CACNA1C: variants seen among roughly 807,000 people sequenced by gnomAD.
CACNA1C encodes calcium voltage-gated channel subunit alpha1 C.
Under a neutral mutation model 229.0 loss-of-function variants are expected in CACNA1C, and 30 were observed. That is an observed-to-expected ratio of 0.13 (90% CI 0.10 to 0.18). CACNA1C has a LOEUF of 0.18. Ranked by LOEUF, CACNA1C falls within the 10% of genes least tolerant of loss-of-function variation. The pLI, the probability that CACNA1C is intolerant of heterozygous loss-of-function variation, is 1.00. For synonymous variants in CACNA1C, 1,114 were observed against 1,132.5 expected (o/e 0.98, Z 0.33); for missense variants, 1,658 against 2,845.0 (o/e 0.58, Z 9.49).
intron 30 of CACNA1C, among the ~76,000 whole-genome samples, chr12:2,641,029 C>G (rs536774907): frequency 6.6e-6 from 1 of 152,322 alleles, no homozygotes; most frequent in Admixed American, 6.5e-5. Context: ...CTCCTGCCCC[C>G]TGCCATGGCA....
intron 2 of CACNA1C, among the ~76,000 whole-genome samples, chr12:2,116,140 T>C (rs1176116928): frequency 6.6e-6 from 1 of 152,188 alleles, no homozygotes; most frequent in African/African-American, 2.4e-5. Flanking sequence ...GACCACTCAG[T>C]TCCACCTAGG....
At chr12:2,092,318 A>G (rs929962786) in intron 1 of CACNA1C, among the ~76,000 whole-genome samples, 1 of 152,208 alleles carries the variant, frequency 6.6e-6, no homozygotes. Context: ...GTGATTTCCT[A>G]TGAAACTTCA....
intron 18 of CACNA1C, among the ~76,000 whole-genome samples, chr12:2,587,219 T>G (rs2062897247): frequency 6.6e-6 from 1 of 151,550 alleles, no homozygotes; most frequent in Non-Finnish European, 1.5e-5. Context: ...AAAAAAAAAA[T>G]GGGGACAGAG....
At chr12:2,052,128 G>A (rs1475930899), upstream of CACNA1C, among the ~76,000 whole-genome samples, 2 of 152,218 alleles carry the variant, frequency 1.3e-5, no homozygotes, top group African/African-American at 4.8e-5. Flanking sequence ...TCTCCGGGAA[G>A]GAGAGGTGCT....
Position 2,578,978 on chromosome 12 carries a change from C to T in CACNA1C, c.1896-2612C>T, listed in dbSNP as rs773506921. Among the ~76,000 whole-genome samples, 73 of 152,218 alleles carry T rather than the reference C, an allele frequency of 4.8e-4. 1 individual carries two copies. Among genetic ancestry groups the T allele is most frequent in the Non-Finnish European group, 4.1e-4 (28 of 67,998 alleles). On this transcript the variant is annotated intron_variant, in intron 13 of 46. Coordinates refer to ENST00000399655, the MANE Select transcript of CACNA1C (RefSeq NM_000719.7). ...CTTAGAGACTGGATCTGTTCCTGGG[C>T]CACAGCCTCCTCCTCCCTGGAGCCC...
chr12:2,254,141 C>T (rs2076549930), intron 3 of CACNA1C, among the ~76,000 whole-genome samples: 1 of 152,172 alleles, frequency 6.6e-6, no homozygotes, highest in East Asian at 1.9e-4. Context: ...ACTCGCAATG[C>T]AAAAACAACT....
Position 2,479,906 on chromosome 12 carries a change from G to T in CACNA1C, c.758-6198G>T, listed in dbSNP as rs1263795210. 4.0e-4 allele frequency among the ~76,000 whole-genome samples: 61 copies of T among 152,138 alleles called. No homozygotes were observed. The highest frequency in any genetic ancestry group is 4.0e-3 in the Admixed American group (61 of 15,272). On this transcript the variant is annotated intron_variant, in intron 5 of 46. Transcript: ENST00000399655. The surrounding 1 kb of genome is among the most constrained non-coding windows in gnomAD (Gnocchi z 4.3). ...GCAGCCCTCTCTTCTGTTGGATTGG[G>T]TCGCTGAGAAGTTGTGGTTAAGATT...
intron 3 of CACNA1C, among the ~76,000 whole-genome samples, chr12:2,340,910 T>C (rs898792846): frequency 6.6e-6 from 1 of 152,004 alleles, no homozygotes; most frequent in Non-Finnish European, 1.5e-5. Flanking sequence ...TGAGCCGAGA[T>C]TGTGCCACTG....
In CACNA1C at chr12:2,486,874, A is replaced by G. The variant is rs1300325161; in HGVS notation, c.916+612A>G. 1.3e-5 allele frequency among the ~76,000 whole-genome samples: 2 copies of G among 152,194 alleles called. No homozygotes were observed. The highest frequency in any genetic ancestry group is 2.1e-4 in the South Asian group (1 of 4,830). The stretch of plus-strand genomic sequence containing the variant: ...GCAGCCAAACTTCCTCCCTTCAAGG[A>G]GAAGGCTTAGTTCTACCCCATGACT... On this transcript the variant is annotated intron_variant, in intron 6 of 46. Coordinates refer to ENST00000399655, the MANE Select transcript of CACNA1C (RefSeq NM_000719.7). The surrounding 1 kb of genome is among the most constrained non-coding windows in gnomAD (Gnocchi z 4.9).
chr12:2,283,180 G>A lies in CACNA1C; in HGVS notation c.477+162750G>A, dbSNP rs533648092. Among the ~76,000 whole-genome samples the A allele has an allele frequency of 1.3e-4, 20 of 152,274 alleles. No homozygotes were observed. In the South Asian group the frequency reaches 2.7e-3, roughly 21 times the overall value. On this transcript the variant is annotated intron_variant, in intron 3 of 46. Transcript: ENST00000399655. ...GCCTGAAATTCCACATTTTGATCAA[G>A]CTGCCAGAGTGTGTCAGTGTGGCTG... is the stretch of plus-strand genomic sequence containing the variant.
At chr12:2,184,765 G>T (rs1051113910) in intron 3 of CACNA1C, among the ~76,000 whole-genome samples, 2 of 152,134 alleles carry the variant, frequency 1.3e-5, no homozygotes, top group Non-Finnish European at 2.9e-5. Context: ...CAAACAAGGC[G>T]CCGTGGAGAG....
At chr12:2,068,029 T>A (rs1200929981) in intron 1 of CACNA1C, among the ~76,000 whole-genome samples, 2 of 152,086 alleles carry the variant, frequency 1.3e-5, no homozygotes, top group Non-Finnish European at 2.9e-5. Context: ...CTTCATCCTC[T>A]CCCCTGTTGT....
chr12:2,277,167 G>T (rs1448890083), intron 3 of CACNA1C, among the ~76,000 whole-genome samples: 1 of 152,044 alleles, frequency 6.6e-6, no homozygotes, highest in Non-Finnish European at 1.5e-5. Context: ...GGTAGCTATT[G>T]TTATTGTTAT....
rs192160844 is a variant in CACNA1C at position 2,299,817 on chromosome 12, G to A, written c.478-149159G>A. On this transcript the variant is annotated intron_variant, in intron 3 of 46. Transcript: ENST00000399655. ...ACTAGATAGGCCACTTACTCACCAT[G>A]TGACCCGGACAAGGCATTCAGCCTC... Among the ~76,000 whole-genome samples the A allele has an allele frequency of 5.7e-4, 86 of 152,164 alleles. 1 individual carries two copies. The highest frequency in any genetic ancestry group is 2.0e-3 in the African/African-American group (85 of 41,490).
At chr12:2,642,261 C>G (rs2093799619) in intron 30 of CACNA1C, among the ~76,000 whole-genome samples, 1 of 152,124 alleles carries the variant, frequency 6.6e-6, no homozygotes, top group African/African-American at 2.4e-5. Flanking sequence ...CTTTTTGTTT[C>G]CCTCAAATGC....
chr12:2,016,390 A>G (rs1241719059), intron 1 of CACNA1C, among the ~76,000 whole-genome samples: 1 of 152,172 alleles, frequency 6.6e-6, no homozygotes, highest in East Asian at 1.9e-4. Flanking sequence ...CAATGTATCA[A>G]TGTATTGATT....
intron 4 of CACNA1C, among the ~76,000 whole-genome samples, chr12:2,454,692 G>A (rs2154564333): frequency 6.6e-6 from 1 of 152,218 alleles, no homozygotes; most frequent in East Asian, 1.9e-4. Flanking sequence ...ACCTCAAGGA[G>A]GCCCTCGGTG....
chr12:2,600,651 TGC>T (rs1444135222), intron 21 of CACNA1C, among the ~76,000 whole-genome samples: 1 of 152,252 alleles, frequency 6.6e-6, no homozygotes. Context: ...GCACCTGCAG[TGC>T]GCAGCTTTAC....
intron 3 of CACNA1C, among the ~76,000 whole-genome samples, chr12:2,167,286 G>T (rs1443561858): frequency 6.6e-6 from 1 of 152,186 alleles, no homozygotes; most frequent in Non-Finnish European, 1.5e-5. Flanking sequence ...CTAGTGAGGG[G>T]AAAGGCATGG....
Sources: gnomAD v4.1 joint callset for allele counts (sites outside exome capture counted in the v4.1 genomes callset) on GRCh38, gnomAD v4.1.1 for gene constraint, Gnocchi (gnomAD v3.1) non-coding constraint, MANE v1.5 for transcripts, NCBI Gene and HGNC (gene_info 2026-07-23, HGNC 2026-07-21) for gene names.